MILR1: variants seen among roughly 807,000 people sequenced by gnomAD.
MILR1 encodes mast cell immunoglobulin like receptor 1.
MILR1 carries 31 observed loss-of-function variants against 18.5 expected under a neutral mutation model. The ratio of observed to expected loss-of-function variants is 1.68; its 90% CI spans 1.26 to 2.26. MILR1 has a LOEUF of 2.26. Among genes scored for constraint, MILR1 ranks in the 30% most tolerant of loss-of-function variants. The pLI is 0.00. For missense variants in MILR1, 257 were observed against 157.4 expected, an observed-to-expected ratio of 1.63 and a Z score of -3.38; for synonymous variants, 85 against 56.2, an observed-to-expected ratio of 1.51 and a Z score of -2.30.
At chr17:64,488,572 T>C in the MILR1 span, among the ~76,000 whole-genome samples, 1 of 152,126 alleles carries the variant, frequency 6.6e-6, no homozygotes, top group Non-Finnish European at 1.5e-5. Context: ...AATAAGACAC[T>C]AATAGCCACA....
chr17:64,462,070 G>A (rs1033934384), intron 5 of MILR1, among the ~76,000 whole-genome samples: 1 of 152,186 alleles, frequency 6.6e-6, no homozygotes, highest in Non-Finnish European at 1.5e-5. Flanking sequence ...CTAGGAACGT[G>A]GGTGTGAAAT....
chr17:64,455,248 T>C, intron 3 of MILR1, among the ~76,000 whole-genome samples: 1 of 152,150 alleles, frequency 6.6e-6, no homozygotes, highest in African/African-American at 2.4e-5. Context: ...TTACACAGTC[T>C]GGTAATAAAA....
At chr17:64,461,489 T>G (rs1318489479) in intron 5 of MILR1, among the ~76,000 whole-genome samples, 4 of 152,226 alleles carry the variant, frequency 2.6e-5, no homozygotes, top group Admixed American at 1.3e-4. Flanking sequence ...CCTCAGGTGA[T>G]CCACCTGCCT....
chr17:64,454,683 A>G (rs2037251025), intron 3 of MILR1, among the ~76,000 whole-genome samples: 1 of 152,196 alleles, frequency 6.6e-6, no homozygotes, highest in Non-Finnish European at 1.5e-5. Flanking sequence ...AGAGAATGCT[A>G]CGGACTCCAG....
the MILR1 span, chr17:64,480,281 A>G: frequency 7.3e-7 from 1 of 1,369,214 alleles, no homozygotes; most frequent in South Asian, 1.2e-5. Flanking sequence ...TGAAAATACA[A>G]TTCTTACTTC....
chr17:64,477,135 A>G, the MILR1 span, among the ~76,000 whole-genome samples: 1 of 152,218 alleles, frequency 6.6e-6, no homozygotes, highest in Admixed American at 6.5e-5. Flanking sequence ...GATATCTGAC[A>G]GTATAGATGT....
intron 8 of MILR1, 118 bp from the exon 9 acceptor site, chr17:64,467,447 G>GA: frequency 1.6e-6 from 1 of 644,546 alleles, no homozygotes; most frequent in Non-Finnish European, 2.7e-6. Context: ...CACAGTCCAG[G>GA]AAAAAATTAG....
chr17:64,481,290 T>A, the MILR1 span: 37 of 985,282 alleles, frequency 3.8e-5, no homozygotes, highest in Admixed American at 6.1e-5. Context: ...TCTCCTTCTT[T>A]GAGCTCACTA....
chr17:64,497,004 C>A, the MILR1 span: 1 of 1,573,000 alleles, frequency 6.4e-7, no homozygotes, highest in African/African-American at 1.3e-5. Flanking sequence ...TCTCCCATCA[C>A]TCAACGGATC....
intron 2 of MILR1, 118 bp downstream of exon 2, chr17:64,449,473 A>T: frequency 2.4e-6 from 1 of 411,634 alleles, no homozygotes; most frequent in Non-Finnish European, 4.4e-6. Flanking sequence ...ACAACCAAAG[A>T]ACAGTCTTTT....
chr17:64,495,443 G>A, the MILR1 span, among the ~76,000 whole-genome samples: 1 of 151,910 alleles, frequency 6.6e-6, no homozygotes, highest in African/African-American at 2.4e-5. Flanking sequence ...AGCTGGGTGT[G>A]GTGGCATGTG....
chr17:64,485,848 A>AT, the MILR1 span: 3 of 1,613,950 alleles, frequency 1.9e-6, no homozygotes, highest in African/African-American at 4.0e-5. Context: ...AAGGAACCAC[A>AT]TTTTTTCGTC....
chr17:64,455,052 G>T (rs2037259049), intron 3 of MILR1, among the ~76,000 whole-genome samples: 1 of 152,056 alleles, frequency 6.6e-6, no homozygotes, highest in Non-Finnish European at 1.5e-5. Flanking sequence ...TATATTCCTT[G>T]TGAAAGGAAA....
chr17:64,463,807 C>T (rs2037484041), intron 5 of MILR1, among the ~76,000 whole-genome samples: 1 of 149,800 alleles, frequency 6.7e-6, no homozygotes. Context: ...TGCACCACAA[C>T]TCCTGGCTAA....
At chr17:64,476,124 T>A in the MILR1 span, among the ~76,000 whole-genome samples, 1 of 152,090 alleles carries the variant, frequency 6.6e-6, no homozygotes, top group Non-Finnish European at 1.5e-5. Context: ...TCTTATTTCA[T>A]CTCCCACCAC....
At chr17:64,496,837 C>T in the MILR1 span, 5 of 1,613,758 alleles carry the variant, frequency 3.1e-6, no homozygotes, top group Non-Finnish European at 4.2e-6. Context: ...CGTGCGACTT[C>T]ACATGCCCTC....
chr17:64,473,071 C>T (rs1297075341), downstream of MILR1, among the ~76,000 whole-genome samples: 3 of 152,026 alleles, frequency 2.0e-5, no homozygotes, highest in Admixed American at 6.6e-5. Flanking sequence ...GTCTTTTGGC[C>T]GGGCGTGGTG....
rs903016999 is a variant in MILR1 at position 64,457,471 on chromosome 17, T to C, written c.439T>C (p.Cys147Arg). Reference sequence around the variant, plus strand: ...AACAGACCGACATATAACATTACATTGCCTCTCAGTCAATGGCTCGCTGCC... The same window carrying C: ...AACAGACCGACATATAACATTACATCGCCTCTCAGTCAATGGCTCGCTGCC... ...TETDRHITLH[C>R]LSVNGSLPIN... The change falls in exon 4 of 10, where the codon TGC becomes CGC. Residue 147 changes from cysteine to arginine, a missense_variant. By Grantham distance (180) the Cys-to-Arg change is radical (BLOSUM62 -3). Transcript: ENST00000619286. 4.2e-6 allele frequency: 2 copies of C among 475,316 alleles called. No individual in the cohort carries two copies. The highest frequency in any genetic ancestry group is 7.7e-6 in the Non-Finnish European group (2 of 259,062). The allele number at this position is 475,316 out of a possible 1,614,324, so 29.4% of individuals were successfully genotyped here.
chr17:64,485,704 C>T, the MILR1 span: 2 of 1,591,112 alleles, frequency 1.3e-6, no homozygotes, highest in Non-Finnish European at 1.7e-6. Context: ...TTTCCCAAGT[C>T]TATCTCTGAA....
Sources: allele counts gnomAD v4.1 joint callset (sites outside exome capture counted in the v4.1 genomes callset), GRCh38; gene constraint gnomAD v4.1.1; transcripts MANE v1.5; gene names NCBI Gene and HGNC (gene_info 2026-07-23, HGNC 2026-07-21).